ABI3BP: variants seen among roughly 807,000 people sequenced by gnomAD.
The protein encoded by ABI3BP is target of Nesh-SH3.
A neutral mutation model predicts 268.6 loss-of-function variants in ABI3BP; 216 were observed. The observed-to-expected ratio is 0.80, with a 90% CI of 0.72 to 0.90. The LOEUF (loss-of-function observed/expected upper bound fraction) is 0.90, where lower values mean the gene tolerates loss of function less well. Among genes scored for constraint, ABI3BP ranks in the 40% least tolerant of loss-of-function variants. ABI3BP has a pLI of 0.00. For synonymous variants in ABI3BP, 730 were observed against 730.0 expected, an observed-to-expected ratio of 1.00 and a Z score of 0.00; for missense variants, 2,090 against 2,182.4, an observed-to-expected ratio of 0.96 and a Z score of 0.84.
chr3:100,934,537 A>T (rs1201808236), intron 1 of ABI3BP, among the ~76,000 whole-genome samples: 2 of 152,158 alleles, frequency 1.3e-5, no homozygotes, highest in Admixed American at 6.6e-5. Flanking sequence ...TTCTAGTTCT[A>T]GATCCTTGAG....
At chr3:100,768,347 C>A (rs2096402063) in intron 62 of ABI3BP, among the ~76,000 whole-genome samples, 1 of 152,134 alleles carries the variant, frequency 6.6e-6, no homozygotes, top group African/African-American at 2.4e-5. Context: ...CTCAGCCTCC[C>A]AGAGTGCTGG....
At chr3:100,989,704 A>G (rs2092609894) in intron 1 of ABI3BP, among the ~76,000 whole-genome samples, 1 of 152,210 alleles carries the variant, frequency 6.6e-6, no homozygotes, top group African/African-American at 2.4e-5. Context: ...TGGAGTTTCC[A>G]TGCAGAGGTG....
At chr3:100,969,952 C>T (rs2082861146) in intron 1 of ABI3BP, among the ~76,000 whole-genome samples, 1 of 152,110 alleles carries the variant, frequency 6.6e-6, no homozygotes, top group African/African-American at 2.4e-5. Flanking sequence ...ATTAAATGGC[C>T]TTCATTTACA....
In ABI3BP at chr3:100,811,815, G is replaced by A; in HGVS notation, c.3422-16C>T. On this transcript the variant is annotated splice_polypyrimidine_tract_variant and intron_variant, in intron 46 of 67. Transcript: ENST00000471714. Reference sequence around the variant, plus strand: ...TTGGCTGGTGCTAGGGAAGAAACGGGAATGGCTGGTTAGTGGTGGCCAACC... The same window carrying A: ...TTGGCTGGTGCTAGGGAAGAAACGGAAATGGCTGGTTAGTGGTGGCCAACC... 1 of 1,534,480 alleles carries A rather than the reference G, an allele frequency of 6.5e-7. No homozygotes were observed. The highest frequency in any genetic ancestry group is 8.7e-7 in the Non-Finnish European group (1 of 1,145,630).
chr3:100,754,143 GA>G (rs1211323934), intron 64 of ABI3BP, among the ~76,000 whole-genome samples: 1 of 152,178 alleles, frequency 6.6e-6, no homozygotes, highest in Non-Finnish European at 1.5e-5. Flanking sequence ...CTTTTAGTTT[GA>G]TAGAAAAACT....
rs1332951691 is a variant in ABI3BP, at chr3:100,835,613, C to T, written c.2179G>A (p.Val727Met). The T allele has an allele frequency of 1.2e-5, 18 of 1,535,026 alleles. No individual in the cohort carries two copies. The highest frequency in any genetic ancestry group is 2.7e-5 in the African/African-American group (2 of 72,976). Residue 727 changes from valine (V) to methionine (M), a missense_variant, in exon 28 of 68, where the codon GTG (valine) becomes ATG (methionine). Transcript: ENST00000471714. The part of the protein sequence containing the change: ...EPVTVRTEAT[V>M]TTLAPKTSQR... ...AAGAGGTCATTACCTAATGTTGTCA[C>T]TGTAGCCTCAGTTCTCACAGTTACA...
chr3:100,891,722 T>C (rs2044756457), intron 4 of ABI3BP, among the ~76,000 whole-genome samples: 4 of 152,232 alleles, frequency 2.6e-5, no homozygotes, highest in Admixed American at 2.6e-4. Context: ...ACTGGCTAGA[T>C]GATTTTTAAA....
At chr3:100,813,519 C>T in intron 45 of ABI3BP, 142 bp downstream of exon 45, 1 of 580,296 alleles carries the variant, frequency 1.7e-6, no homozygotes. Context: ...TATGGAATCA[C>T]AAAAAAGAGC....
chr3:100,902,505 C>G (rs1167054960), intron 3 of ABI3BP, 113 bp downstream of exon 3: 2 of 905,046 alleles, frequency 2.2e-6, no homozygotes, highest in Non-Finnish European at 3.4e-6. Flanking sequence ...GCTGACACCT[C>G]CTCTACATTC....
chr3:100,767,651 C>T lies in ABI3BP; in HGVS notation c.4742-1702G>A, dbSNP rs961125233. 9.9e-5 allele frequency among the ~76,000 whole-genome samples: 15 copies of T among 151,000 alleles called. No homozygotes were observed. In the South Asian group the frequency reaches 3.2e-3, roughly 32 times the overall value. On this transcript the variant is annotated intron_variant, in intron 62 of 67. Transcript: ENST00000471714. ...CTTAATGGAAAGAAACAAATTAAGCCACCTGCCTTGAACTTGGTCTCAGTC... is the reference window on the plus strand; with the variant it reads ...CTTAATGGAAAGAAACAAATTAAGCTACCTGCCTTGAACTTGGTCTCAGTC...
intron 9 of ABI3BP, among the ~76,000 whole-genome samples, chr3:100,869,923 C>A (rs1387612480): frequency 1.3e-5 from 2 of 152,016 alleles, no homozygotes; most frequent in Non-Finnish European, 2.9e-5. Flanking sequence ...TTTGGCAAAC[C>A]CTTTGTATGT....
rs759820523 is a variant in ABI3BP at position 100,818,572 on chromosome 3, G to A, written c.3041C>T (p.Thr1014Ile). ...EVPQTKLVPS[T>I]DLEPGTLRTE... ...TCTGAGAGTACCAGGTTCAAGATCT[G>A]TAGAAGGAACTAATTAAAAGCAATG... The change falls in exon 41 of 68, where the codon ACA becomes ATA. Residue 1014 changes from threonine to isoleucine, a missense_variant. By Grantham distance (89) the Thr-to-Ile change is moderately conservative. Coordinates refer to ENST00000471714, the MANE Select transcript of ABI3BP (RefSeq NM_001375547.2). 1 of 1,535,114 alleles carries A rather than the reference G, an allele frequency of 6.5e-7. No individual in the cohort carries two copies. Among genetic ancestry groups the A allele is most frequent in the Admixed American group, 2.0e-5 (1 of 50,992 alleles).
chr3:100,859,282 G>A (rs1338673688), intron 14 of ABI3BP, among the ~76,000 whole-genome samples: 1 of 152,056 alleles, frequency 6.6e-6, no homozygotes, highest in African/African-American at 2.4e-5. Flanking sequence ...CTGTAATAAT[G>A]TCATTAATAC....
intron 4 of ABI3BP, among the ~76,000 whole-genome samples, chr3:100,891,879 A>T (rs2044852475): frequency 1.3e-5 from 2 of 152,256 alleles, no homozygotes; most frequent in African/African-American, 2.4e-5. Context: ...GGAGGTAGAC[A>T]TGCATATGTG....
chr3:100,916,410 T>C (rs1287716801), intron 2 of ABI3BP, among the ~76,000 whole-genome samples: 1 of 152,204 alleles, frequency 6.6e-6, no homozygotes, highest in African/African-American at 2.4e-5. Context: ...GTTTTTAACA[T>C]TGAGTTCAAA....
intron 62 of ABI3BP, among the ~76,000 whole-genome samples, chr3:100,770,034 C>T (rs2096491415): frequency 6.6e-6 from 1 of 152,164 alleles, no homozygotes; most frequent in Admixed American, 6.5e-5. Flanking sequence ...TAGTTGACCC[C>T]TCTATTCCCT....
At chr3:100,864,450 T>C (rs1419205959) in intron 11 of ABI3BP, 2 of 327,470 alleles carry the variant, frequency 6.1e-6, no homozygotes, top group Non-Finnish European at 1.1e-5. Context: ...AAATTTAGTA[T>C]GCACAAGACT....
chr3:100,852,936 C>T (rs1206674684), intron 14 of ABI3BP, among the ~76,000 whole-genome samples: 1 of 152,186 alleles, frequency 6.6e-6, no homozygotes, highest in Non-Finnish European at 1.5e-5. Context: ...ATATAGAGAA[C>T]ACATGAATTA....
chr3:100,921,942 A>G (rs868351424), intron 2 of ABI3BP, among the ~76,000 whole-genome samples: 1 of 152,266 alleles, frequency 6.6e-6, no homozygotes, highest in African/African-American at 2.4e-5. Context: ...TGGTAAACAT[A>G]TCATTAAACA....
Sources: allele counts gnomAD v4.1 joint callset (sites outside exome capture counted in the v4.1 genomes callset), GRCh38; gene constraint gnomAD v4.1.1; transcripts MANE v1.5; gene names NCBI Gene and HGNC (gene_info 2026-07-23, HGNC 2026-07-21).